Variants in HHLA1 observed in about 807,000 individuals in gnomAD.
HHLA1 encodes HHLA1 neighbor of OC90.
In HHLA1, 72 loss-of-function variants were observed where a neutral mutation model predicts 69.9. The ratio of observed to expected loss-of-function variants is 1.03; its 90% CI spans 0.85 to 1.25. The LOEUF is 1.25. HHLA1 is among the 50% of genes most tolerant of loss of function. The pLI, the probability that HHLA1 is intolerant of heterozygous loss-of-function variation, is 0.00. For synonymous variants in HHLA1, 252 were observed against 233.2 expected (o/e 1.08, Z -0.73); for missense variants, 685 against 642.2 (o/e 1.07, Z -0.72).
chr8:132,073,089 T>C (rs1158675123), intron 14 of HHLA1, among the ~76,000 whole-genome samples: 1 of 152,244 alleles, frequency 6.6e-6, no homozygotes, highest in Non-Finnish European at 1.5e-5. Flanking sequence ...TTCAATATTA[T>C]TCTGTCATGT....
At chr8:132,102,584 C>G (rs1824127259) in intron 3 of HHLA1, among the ~76,000 whole-genome samples, 1 of 152,204 alleles carries the variant, frequency 6.6e-6, no homozygotes, top group African/African-American at 2.4e-5. Context: ...CTACTCTGCA[C>G]CAGCTGCTAT....
At chr8:132,069,938 A>G (rs1294134313) in intron 15 of HHLA1, 1 of 148,076 alleles carries the variant, frequency 6.8e-6, no homozygotes, top group African/African-American at 2.6e-5. Context: ...AGTTTTCTTT[A>G]GAATAAACCT....
chr8:132,080,008 CT>C, intron 10 of HHLA1, 42 bp from the exon 11 acceptor site: 1 of 1,551,792 alleles, frequency 6.4e-7, no homozygotes, highest in Non-Finnish European at 8.7e-7. Flanking sequence ...ATGCTTGACA[CT>C]TTGGGCATAA....
At chr8:132,071,278 G>C in intron 15 of HHLA1, 62 bp downstream of exon 15, 1 of 1,455,122 alleles carries the variant, frequency 6.9e-7, no homozygotes, top group Non-Finnish European at 9.3e-7. Flanking sequence ...CTGCAGAAAA[G>C]CCACACGGAA....
At chr8:132,089,635 T>TTTGTCTCTGAAG in intron 7 of HHLA1, 36 bp from the exon 8 acceptor site, 1 of 1,031,624 alleles carries the variant, frequency 9.7e-7, no homozygotes, top group Non-Finnish European at 1.5e-6. Flanking sequence ...AATTTCTGCT[T>TTTGTCTCTGAAG]CAGAGACAAA....
intron 7 of HHLA1, 71 bp downstream of exon 7, chr8:132,095,448 A>C (rs1824006797): frequency 1.9e-6 from 2 of 1,028,320 alleles, no homozygotes; most frequent in Non-Finnish European, 3.0e-6. Flanking sequence ...ATTGAGGAAA[A>C]ACAAAAACTT....
chr8:132,095,637 A>G (rs1824010990), intron 6 of HHLA1, 35 bp from the exon 7 acceptor site: 4 of 1,532,628 alleles, frequency 2.6e-6, no homozygotes, highest in South Asian at 1.2e-5. Context: ...AGATCCTAAC[A>G]CACAGACCAG....
At chr8:132,080,437 G>C (rs1378884815) in intron 10 of HHLA1, 7 of 295,724 alleles carry the variant, frequency 2.4e-5, no homozygotes, top group Non-Finnish European at 6.5e-6. Flanking sequence ...GCAGGAGTGG[G>C]GGTCTCAAGG....
intron 1 of HHLA1, 98 bp downstream of exon 1, chr8:132,111,004 G>A (rs1172094298): frequency 2.6e-5 from 4 of 152,212 alleles, no homozygotes; most frequent in Non-Finnish European, 5.9e-5. Flanking sequence ...GGAGCCCAGA[G>A]CTCAGGATTA....
intron 12 of HHLA1, 139 bp from the exon 13 acceptor site, chr8:132,076,682 G>A: frequency 2.0e-6 from 1 of 501,114 alleles, no homozygotes; most frequent in South Asian, 3.9e-5. Flanking sequence ...AAGAAGCAGA[G>A]ATGAGTAAGA....
At chr8:132,070,414 C>T (rs1823513408) in intron 15 of HHLA1, 2 of 701,474 alleles carry the variant, frequency 2.9e-6, no homozygotes, top group Admixed American at 4.0e-5. Flanking sequence ...TCTAATTATT[C>T]TCTCCTAGCA....
intron 10 of HHLA1, chr8:132,085,751 G>C (rs1033541060): frequency 6.7e-6 from 1 of 148,848 alleles, no homozygotes. Flanking sequence ...GCAGGAGTGG[G>C]GGTCTCAAGG....
At position 132,076,562 on chromosome 8, in the gene HHLA1, G is replaced by A; in HGVS notation, c.1172-19C>T. ...AATGCTCCTGGGAGGAGATGAGAGA[G>A]AGGTGAGCCTGCATCTCTTCTAGGG... On this transcript the variant is annotated intron_variant, in intron 12 of 16. Transcript: ENST00000414222. 6.7e-7 allele frequency: 1 copy of A among 1,495,002 alleles called. No individual in the cohort carries two copies. The highest frequency in any genetic ancestry group is 8.9e-7 in the Non-Finnish European group (1 of 1,118,976). 92.6% of individuals were successfully genotyped at this position (1,495,002 alleles called of 1,614,324 possible). A position where few individuals can be genotyped will look rare whatever the true frequency, so the allele number is the denominator to read the frequency against.
At chr8:132,071,841 G>T (rs1823550803) in intron 14 of HHLA1, among the ~76,000 whole-genome samples, 1 of 152,136 alleles carries the variant, frequency 6.6e-6, no homozygotes, top group Non-Finnish European at 1.5e-5. Context: ...ATGTAAGGGG[G>T]TGACTTGCTG....
intron 3 of HHLA1, chr8:132,101,291 A>G (rs1459124171): frequency 3.9e-6 from 6 of 1,549,662 alleles, no homozygotes; most frequent in South Asian, 1.2e-5. Flanking sequence ...AAAAGTTTTC[A>G]TGAATAAAAT....
At chr8:132,097,932 A>G (rs1015747797) in intron 5 of HHLA1, among the ~76,000 whole-genome samples, 4 of 152,220 alleles carry the variant, frequency 2.6e-5, no homozygotes, top group Non-Finnish European at 2.9e-5. Context: ...AGACCTCAAC[A>G]CTGAATTGGC....
At chr8:132,079,069 G>C (rs566129414) in intron 11 of HHLA1, among the ~76,000 whole-genome samples, 1 of 152,248 alleles carries the variant, frequency 6.6e-6, no homozygotes, top group African/African-American at 2.4e-5. Flanking sequence ...TCCCTAATGA[G>C]CTACCTCCAT....
intron 14 of HHLA1, among the ~76,000 whole-genome samples, chr8:132,075,798 A>G (rs1484151001): frequency 6.6e-6 from 1 of 152,202 alleles, no homozygotes; most frequent in East Asian, 1.9e-4. Flanking sequence ...ACTTAATACA[A>G]AACCTTGTGG....
intron 14 of HHLA1, 143 bp downstream of exon 14, chr8:132,075,912 C>A: frequency 1.7e-6 from 1 of 600,470 alleles, no homozygotes. Flanking sequence ...TGGAGGCCAC[C>A]TCACCAGTAA....
Sources: gnomAD v4.1 joint callset for allele counts (sites outside exome capture counted in the v4.1 genomes callset) on GRCh38, gnomAD v4.1.1 for gene constraint, MANE v1.5 for transcripts, NCBI Gene and HGNC (gene_info 2026-07-23, HGNC 2026-07-21) for gene names.